MBTD1: variants seen among roughly 807,000 people sequenced by gnomAD.
MBTD1 encodes mbt domain containing 1.
Under a neutral mutation model 87.8 loss-of-function variants are expected in MBTD1, and 24 were observed. That is an observed-to-expected ratio of 0.27 (90% CI 0.20 to 0.38). The LOEUF is 0.38. Among genes scored for constraint, MBTD1 ranks in the 10% least tolerant of loss-of-function variants. MBTD1 has a pLI of 1.00. For missense variants in MBTD1, 436 were observed against 760.2 expected (o/e 0.57, Z 5.02); for synonymous variants, 237 against 248.6 (o/e 0.95, Z 0.44).
chr17:51,232,365 A>G (rs990260760), intron 2 of MBTD1, among the ~76,000 whole-genome samples: 1 of 152,142 alleles, frequency 6.6e-6, no homozygotes, highest in Non-Finnish European at 1.5e-5. Context: ...AACACATAAT[A>G]AGTAATCCAC....
intron 2 of MBTD1, among the ~76,000 whole-genome samples, chr17:51,240,853 T>A (rs1325623195): frequency 6.6e-6 from 1 of 152,124 alleles, no homozygotes; most frequent in African/African-American, 2.4e-5. Flanking sequence ...AAATAAAAAA[T>A]TTCCTTGTTT....
At chr17:51,210,473 C>G (rs1026509157) in intron 6 of MBTD1, among the ~76,000 whole-genome samples, 3 of 152,058 alleles carry the variant, frequency 2.0e-5, no homozygotes, top group Admixed American at 1.3e-4. Flanking sequence ...ATTTGAAAGG[C>G]GGCCAGGTGT....
In MBTD1 at chr17:51,195,076, G is replaced by A. The variant is rs73351798; in HGVS notation, c.1372+138C>T. The A allele has an allele frequency of 4.0e-4, 240 of 600,764 alleles. No homozygotes were observed. In the African/African-American group the frequency reaches 4.2e-3, roughly 11 times the overall value. 37.2% of individuals were successfully genotyped at this position (600,764 alleles called of 1,614,324 possible). On this transcript the variant is annotated intron_variant, in intron 13 of 16. Coordinates refer to ENST00000586178, the MANE Select transcript of MBTD1 (RefSeq NM_017643.3). ...CTTTATATTTTTAGAGCAACCTACA[G>A]CTCCTGTATGTATATGTTTATCCAC...
At chr17:51,237,049 G>A (rs1459063635) in intron 2 of MBTD1, among the ~76,000 whole-genome samples, 1 of 152,060 alleles carries the variant, frequency 6.6e-6, no homozygotes, top group Non-Finnish European at 1.5e-5. Flanking sequence ...TGTAATCCCA[G>A]CACCTGGGAG....
intron 2 of MBTD1, among the ~76,000 whole-genome samples, chr17:51,236,701 G>A (rs907268665): frequency 6.6e-6 from 1 of 151,742 alleles, no homozygotes; most frequent in African/African-American, 2.4e-5. Context: ...ACCTCTCTCT[G>A]TTTGCTTATA....
At chr17:51,235,802 T>C (rs2053796512) in intron 2 of MBTD1, among the ~76,000 whole-genome samples, 1 of 152,196 alleles carries the variant, frequency 6.6e-6, no homozygotes, top group Non-Finnish European at 1.5e-5. Flanking sequence ...AATCAAAAGC[T>C]TGTTCTAAAA....
At chr17:51,227,008 C>T (rs1011648699) in intron 2 of MBTD1, among the ~76,000 whole-genome samples, 11 of 151,612 alleles carry the variant, frequency 7.3e-5, no homozygotes, top group Middle Eastern at 3.2e-3. Flanking sequence ...TTCGGGAGGC[C>T]GAGGCAGGCG....
intron 2 of MBTD1, among the ~76,000 whole-genome samples, chr17:51,229,054 G>C (rs755117432): frequency 4.6e-5 from 7 of 151,886 alleles, no homozygotes; most frequent in Non-Finnish European, 4.4e-5. Context: ...AATGGGCCAG[G>C]TGCAGTGTCT....
intron 12 of MBTD1, among the ~76,000 whole-genome samples, chr17:51,199,060 T>A: frequency 6.6e-6 from 1 of 151,990 alleles, no homozygotes; most frequent in East Asian, 1.9e-4. Context: ...AGTCCCAAAG[T>A]GCTGGGATTA....
Position 51,259,912 on chromosome 17 carries a change from C to T in MBTD1, c.-190G>A. ...CCCCGAGCCCGCGGCGCCCCCTCCC[C>T]GGGCTGGGGGCAGGTGCCTCTCCCC... On this transcript the variant is annotated 5_prime_UTR_variant, in exon 1 of 17. Coordinates refer to ENST00000586178, the MANE Select transcript of MBTD1 (RefSeq NM_017643.3). 8.1e-7 allele frequency: 1 copy of T among 1,230,406 alleles called. No homozygotes were observed. The highest frequency in any genetic ancestry group is 1.0e-6 in the Non-Finnish European group (1 of 986,518). 76.2% of individuals were successfully genotyped at this position (1,230,406 alleles called of 1,614,324 possible). A position where few individuals can be genotyped will look rare whatever the true frequency, so the allele number is the denominator to read the frequency against.
rs150740466 is a variant in MBTD1, at chr17:51,178,361, G to C, written c.*2215C>G. The stretch of plus-strand genomic sequence containing the variant: ...AAGACAAGAAACACTTCATGAATTA[G>C]GAAATTCTAAAACACTCAGAGCCTG... On this transcript the variant is annotated 3_prime_UTR_variant, in exon 17 of 17. Coordinates refer to ENST00000586178, the MANE Select transcript of MBTD1 (RefSeq NM_017643.3). 3 of 152,294 alleles carry C rather than the reference G, an allele frequency of 2.0e-5. No homozygotes were observed. Among genetic ancestry groups the C allele is most frequent in the Non-Finnish European group, 2.9e-5 (2 of 68,032 alleles). The allele number at this position is 152,294 out of a possible 1,614,324, so 9.4% of individuals were successfully genotyped here. A position where few individuals can be genotyped will look rare whatever the true frequency, so the allele number is the denominator to read the frequency against.
intron 2 of MBTD1, among the ~76,000 whole-genome samples, chr17:51,240,874 G>A (rs902758351): frequency 2.6e-5 from 4 of 152,010 alleles, no homozygotes; most frequent in African/African-American, 9.7e-5. Context: ...TGGGTTTTAG[G>A]TGCCCTCAGG....
chr17:51,257,873 C>T lies in MBTD1; in HGVS notation c.-49+1270G>A, dbSNP rs140538828. Among the ~76,000 whole-genome samples, 12 of 152,078 alleles carry T rather than the reference C, an allele frequency of 7.9e-5. 2 individuals carry two copies. Among genetic ancestry groups the T allele is most frequent in the African/African-American group, 2.7e-4 (11 of 41,440 alleles). ...GAAACTGGATGGTTAAAAAGCATGA[C>T]GCAACAACGTAAGGCACTATGAATA... is the stretch of plus-strand genomic sequence containing the variant. On this transcript the variant is annotated intron_variant, in intron 2 of 16. Coordinates refer to ENST00000586178, the MANE Select transcript of MBTD1 (RefSeq NM_017643.3).
At chr17:51,209,332 G>A (rs1224656063) in intron 6 of MBTD1, 5 of 470,472 alleles carry the variant, frequency 1.1e-5, no homozygotes, top group East Asian at 7.0e-5. Context: ...CTCAGGACGC[G>A]AGGTCCACCT....
chr17:51,216,619 G>A (rs981702673), intron 6 of MBTD1, among the ~76,000 whole-genome samples: 1 of 152,216 alleles, frequency 6.6e-6, no homozygotes, highest in Admixed American at 6.5e-5. Flanking sequence ...TTAGAAAAAA[G>A]ATCCTTCCTC....
intron 16 of MBTD1, among the ~76,000 whole-genome samples, chr17:51,187,358 C>A (rs2050583279): frequency 6.7e-6 from 1 of 149,182 alleles, no homozygotes. Context: ...GCTATGATTG[C>A]ACCACAGTGC....
intron 16 of MBTD1, among the ~76,000 whole-genome samples, chr17:51,189,183 CAG>C (rs1301630239): frequency 2.0e-5 from 3 of 151,850 alleles, no homozygotes; most frequent in Non-Finnish European, 4.4e-5. Context: ...AAAAATGTTT[CAG>C]AGTCTGGAGT....
chr17:51,232,415 A>G (rs1007197219), intron 2 of MBTD1, among the ~76,000 whole-genome samples: 3 of 152,186 alleles, frequency 2.0e-5, no homozygotes, highest in African/African-American at 7.2e-5. Flanking sequence ...AGAATCCCCA[A>G]TACTTTGGGC....
upstream of MBTD1, chr17:51,260,566 T>A (rs2055418800): frequency 6.2e-7 from 1 of 1,603,336 alleles, no homozygotes. Flanking sequence ...AGCGCCTGCG[T>A]TTCTCCTCAA....
Sources: allele counts gnomAD v4.1 joint callset (sites outside exome capture counted in the v4.1 genomes callset), GRCh38; gene constraint gnomAD v4.1.1; transcripts MANE v1.5; gene names NCBI Gene and HGNC (gene_info 2026-07-23, HGNC 2026-07-21).